The following FYTTD1 variants were observed in gnomAD, a reference collection of about 807,000 sequenced individuals.
The protein encoded by FYTTD1 is forty-two-three domain containing 1, also known as UAP56-interacting factor.
FYTTD1 carries 22 observed loss-of-function variants against 40.9 expected under a neutral mutation model. That is an observed-to-expected ratio of 0.54 (90% CI 0.38 to 0.77). The LOEUF is 0.77. Ranked by LOEUF, FYTTD1 falls within the 30% of genes least tolerant of loss-of-function variation. The pLI is 0.00. For synonymous variants in FYTTD1, 140 were observed against 137.9 expected, an observed-to-expected ratio of 1.01 and a Z score of -0.10; for missense variants, 351 against 392.2, an observed-to-expected ratio of 0.90 and a Z score of 0.89.
At chr3:197,750,260 G>T in intron 1 of FYTTD1, 186 bp downstream of exon 1, 1 of 900,506 alleles carries the variant, frequency 1.1e-6, no homozygotes, top group Non-Finnish European at 1.5e-6. Flanking sequence ...TGCCCGGCTG[G>T]ACCGCGAGGG....
intron 4 of FYTTD1, among the ~76,000 whole-genome samples, chr3:197,771,290 A>T (rs932458579): frequency 2.0e-5 from 3 of 152,256 alleles, no homozygotes; most frequent in African/African-American, 7.2e-5. Flanking sequence ...AAGTTTCCTT[A>T]TTCAGTTTCA....
chr3:197,780,276 C>T (rs1445982672), intron 8 of FYTTD1, among the ~76,000 whole-genome samples: 1 of 152,160 alleles, frequency 6.6e-6, no homozygotes, highest in Non-Finnish European at 1.5e-5. Context: ...CGCTACATTG[C>T]CCAGGCTGGT....
At chr3:197,775,803 C>T (rs2109052963) in intron 6 of FYTTD1, among the ~76,000 whole-genome samples, 1 of 152,246 alleles carries the variant, frequency 6.6e-6, no homozygotes, top group South Asian at 2.1e-4. Context: ...TAATTGTAGC[C>T]TTTTTGCTTC....
chr3:197,751,886 A>C (rs1729069214), intron 1 of FYTTD1, among the ~76,000 whole-genome samples: 1 of 151,932 alleles, frequency 6.6e-6, no homozygotes, highest in Non-Finnish European at 1.5e-5. Context: ...TTAATTAATT[A>C]TTTGAGACGG....
chr3:197,765,719 G>A (rs563076221), intron 2 of FYTTD1, among the ~76,000 whole-genome samples: 3 of 151,704 alleles, frequency 2.0e-5, no homozygotes, highest in East Asian at 1.9e-4. Context: ...AAAATAGTCC[G>A]GGCGCAGTGG....
intron 8 of FYTTD1, among the ~76,000 whole-genome samples, 165 bp downstream of exon 8, chr3:197,778,629 A>G (rs946479700): frequency 1.3e-5 from 2 of 152,210 alleles, no homozygotes; most frequent in Non-Finnish European, 2.9e-5. Flanking sequence ...TTGACATTTC[A>G]TATAAATCAG....
intron 2 of FYTTD1, among the ~76,000 whole-genome samples, chr3:197,759,657 TTCAGTGGTAGAACGTATAGAGTTGTTCC>T (rs1268736862): frequency 6.8e-5 from 10 of 146,048 alleles, no homozygotes; most frequent in Admixed American, 2.0e-4. Flanking sequence ...AGAGTTGTTC[TTCAGTGGTAGAACGTATAGAGTTGTTCC>T]TCAGTGGTAG....
intron 2 of FYTTD1, among the ~76,000 whole-genome samples, chr3:197,763,932 G>A (rs146863501): frequency 4.4e-4 from 67 of 152,336 alleles, no homozygotes; most frequent in Middle Eastern, 3.4e-3. Context: ...CACCTGCGGA[G>A]CTTTGTGAAC....
intron 2 of FYTTD1, among the ~76,000 whole-genome samples, chr3:197,766,527 C>T (rs748258269): frequency 6.6e-6 from 1 of 151,120 alleles, no homozygotes; most frequent in Non-Finnish European, 1.5e-5. Flanking sequence ...ACTGTAACCT[C>T]TGCTTCCCAG....
At chr3:197,757,882 G>T (rs1458740231) in intron 2 of FYTTD1, among the ~76,000 whole-genome samples, 5 of 152,214 alleles carry the variant, frequency 3.3e-5, no homozygotes, top group Admixed American at 1.3e-4. Flanking sequence ...TGTAGCAAAT[G>T]AAGTTTAGTT....
intron 6 of FYTTD1, among the ~76,000 whole-genome samples, chr3:197,775,578 T>C (rs1729853092): frequency 6.6e-6 from 1 of 152,250 alleles, no homozygotes; most frequent in African/African-American, 2.4e-5. Flanking sequence ...TATCCGTGGA[T>C]TGTTTTCATT....
chr3:197,750,572 C>T (rs1414536403), intron 1 of FYTTD1: 43 of 984,860 alleles, frequency 4.4e-5, no homozygotes, highest in Non-Finnish European at 4.2e-5. Context: ...GGAGCTTTCC[C>T]TGGTCGCCGG....
chr3:197,749,843 G>C (rs553803476), upstream of FYTTD1: 14 of 561,714 alleles, frequency 2.5e-5, no homozygotes, highest in South Asian at 4.2e-4. Context: ...GCAGCCGCGG[G>C]TGGAGACCGA....
intron 2 of FYTTD1, among the ~76,000 whole-genome samples, chr3:197,766,385 T>C (rs560707138): frequency 6.7e-6 from 1 of 148,156 alleles, no homozygotes; most frequent in African/African-American, 2.5e-5. Context: ...GTCAAAAACA[T>C]GGGATAATAT....
chr3:197,781,348 G>C (rs571238020), intron 8 of FYTTD1, among the ~76,000 whole-genome samples: 1 of 151,204 alleles, frequency 6.6e-6, no homozygotes, highest in Admixed American at 6.6e-5. Context: ...AATTTGTTTT[G>C]CTTATTTTTA....
rs1400838273 is a variant in FYTTD1 at position 197,756,574 on chromosome 3, A to G, written c.235+17A>G. The G allele has an allele frequency of 6.2e-7, 1 of 1,609,334 alleles. No homozygotes were observed. The highest frequency in any genetic ancestry group is 1.3e-5 in the African/African-American group (1 of 74,954). On this transcript the variant is annotated intron_variant, in intron 2 of 8. Transcript: ENST00000241502. ...AGAATTCTGGTAAGTTTTGAAAGTAAGCTTTAATGGAAAGCTGTTATTTGT... is the reference window on the plus strand; with the variant it reads ...AGAATTCTGGTAAGTTTTGAAAGTAGGCTTTAATGGAAAGCTGTTATTTGT...
intron 2 of FYTTD1, among the ~76,000 whole-genome samples, chr3:197,758,860 A>G (rs539542853): frequency 1.3e-5 from 2 of 152,384 alleles, no homozygotes; most frequent in South Asian, 2.1e-4. Context: ...TAAGTAGGAC[A>G]GAGGAGCTCT....
In FYTTD1 at chr3:197,768,784, A is replaced by G. The variant is rs1729625009; in HGVS notation, c.384+197A>G. On this transcript the variant is annotated intron_variant, in intron 3 of 8. Transcript: ENST00000241502. ...AATTTCCACATTCTCAAATATAAGT[A>G]AGTTGTTTGTTTGTTTTTGTTTTTT... 2.0e-5 allele frequency among the ~76,000 whole-genome samples: 3 copies of G among 152,020 alleles called. No individual in the cohort carries two copies. The South Asian group carries it at 6.2e-4, about 32-fold the overall frequency.
chr3:197,765,715 G>T (rs189335139), intron 2 of FYTTD1, among the ~76,000 whole-genome samples: 89 of 151,820 alleles, frequency 5.9e-4, no homozygotes, highest in Admixed American at 1.5e-3. Context: ...TACAAAAATA[G>T]TCCGGGCGCA....
Sources: allele counts gnomAD v4.1 joint callset (sites outside exome capture counted in the v4.1 genomes callset), GRCh38; gene constraint gnomAD v4.1.1; transcripts MANE v1.5; gene names NCBI Gene and HGNC (gene_info 2026-07-23, HGNC 2026-07-21).